The following UPF3B variants were observed in gnomAD, a reference collection of about 807,000 sequenced individuals.
UPF3B encodes UPF3B regulator of nonsense mediated mRNA decay, also known as regulator of nonsense transcripts 3B.
A neutral mutation model predicts 40.3 loss-of-function variants in UPF3B; 7 were observed. The ratio of observed to expected loss-of-function variants is 0.17; its 90% confidence interval spans 0.10 to 0.33. The LOEUF (loss-of-function observed/expected upper bound fraction) is 0.33, where lower values mean the gene tolerates loss of function less well. Ranked by LOEUF, UPF3B falls within the 10% of genes least tolerant of loss-of-function variation. The pLI, the probability that UPF3B is intolerant of heterozygous loss-of-function variation, is 1.00. For synonymous variants in UPF3B, 117 were observed against 117.3 expected (o/e 1.00, Z 0.01); for missense variants, 229 against 358.9 (o/e 0.64, Z 2.93).
chrX:119,842,582 A>T (rs3001969), intron 5 of UPF3B, among the ~76,000 whole-genome samples: 2,730 of 74,780 alleles, frequency 0.037, 89 homozygotes, highest in African/African-American at 0.15. Flanking sequence ...TCCATCTCTC[A>T]CACACACACA....
At chrX:119,840,747 G>A in intron 7 of UPF3B, 63 bp from the exon 8 acceptor site, 15 of 1,075,686 alleles carry the variant, frequency 1.4e-5, no homozygotes, top group Non-Finnish European at 1.9e-5. Flanking sequence ...AGAAAAAGCT[G>A]AAAAAAAACC....
intron 5 of UPF3B, among the ~76,000 whole-genome samples, chrX:119,814,010 C>T (rs2496196): frequency 0.013 from 1,474 of 111,983 alleles, 15 homozygotes; most frequent in African/African-American, 0.045. Context: ...TAATATCATT[C>T]ATCTGCTTTC....
intron 3 of UPF3B, among the ~76,000 whole-genome samples, chrX:119,828,152 C>T (rs2056000156): frequency 1.8e-5 from 2 of 110,884 alleles, no homozygotes; most frequent in Non-Finnish European, 3.8e-5. Flanking sequence ...CTCACAGGTT[C>T]AAGCGGTTCT....
intron 5 of UPF3B, among the ~76,000 whole-genome samples, chrX:119,809,223 C>T (rs1344856112): frequency 9.1e-6 from 1 of 110,290 alleles, no homozygotes; most frequent in Non-Finnish European, 1.9e-5. Context: ...GTGACTCACT[C>T]ATTATCAGGA....
Position 119,842,636 on chromosome X carries a change from A to C in UPF3B, c.580+555T>G, listed in dbSNP as rs377135531. ...CACACACACACACACACACAGAGAG[A>C]GAGCGAGCGAGCAAGCAAGCAAAAA... is the stretch of plus-strand genomic sequence containing the variant. On this transcript the variant is annotated intron_variant, in intron 5 of 10. Coordinates refer to ENST00000276201, the MANE Select transcript of UPF3B (RefSeq NM_080632.3). Among the ~76,000 whole-genome samples, 218 of 109,750 alleles carry C rather than the reference A, an allele frequency of 2.0e-3. 1 individual carries two copies. The highest frequency in any genetic ancestry group is 5.7e-3 in the African/African-American group (171 of 30,176).
chrX:119,829,652 TTC>T (rs1330386714), downstream of UPF3B, among the ~76,000 whole-genome samples: 108 of 111,884 alleles, frequency 9.7e-4, no homozygotes, highest in African/African-American at 3.5e-3. Context: ...TGGCTAGTCC[TTC>T]TCTGTCTTTG....
At chrX:119,835,109 T>C in intron 10 of UPF3B, 82 bp from the exon 11 acceptor site, 1 of 1,110,077 alleles carries the variant, frequency 9.0e-7, no homozygotes, top group Non-Finnish European at 1.2e-6. Context: ...TAGTTATGTA[T>C]GAATATATGC....
intron 9 of UPF3B, 104 bp downstream of exon 9, chrX:119,838,263 G>T: frequency 1.0e-6 from 1 of 981,960 alleles, no homozygotes; most frequent in Non-Finnish European, 1.4e-6. Flanking sequence ...TCATCCCCCT[G>T]CCCTGCATAA....
intron 3 of UPF3B, among the ~76,000 whole-genome samples, chrX:119,824,764 CTTT>C (rs11351287): frequency 1.4e-4 from 9 of 65,639 alleles, no homozygotes; most frequent in Middle Eastern, 8.7e-3. Context: ...CCATTTCTTT[CTTT>C]TTTTTTTTTT....
chrX:119,851,278 CGAG>C (rs1297886720), intron 3 of UPF3B, among the ~76,000 whole-genome samples: 1 of 111,639 alleles, frequency 9.0e-6, no homozygotes, highest in African/African-American at 3.3e-5. Context: ...ATGTGTCACA[CGAG>C]GAGAAAACAG....
downstream of UPF3B, among the ~76,000 whole-genome samples, chrX:119,830,828 T>C (rs1198411866): frequency 3.6e-5 from 4 of 111,169 alleles, no homozygotes; most frequent in African/African-American, 1.3e-4. Flanking sequence ...TATGAGGACA[T>C]GCTTTTTGCT....
chrX:119,848,526 G>T (rs2056262907), intron 3 of UPF3B, among the ~76,000 whole-genome samples: 1 of 109,143 alleles, frequency 9.2e-6, no homozygotes. Flanking sequence ...AGATGAAAAA[G>T]TTCCCAAGAT....
At chrX:119,823,931 T>C (rs2055952532) in intron 3 of UPF3B, among the ~76,000 whole-genome samples, 1 of 111,513 alleles carries the variant, frequency 9.0e-6, no homozygotes, top group South Asian at 3.7e-4. Flanking sequence ...GTGCTAGGAT[T>C]ACAAGCATGA....
In UPF3B at chrX:119,816,754, CTT is replaced by C. The variant is rs924175193; in HGVS notation, c.495-1449_495-1448del. ...CCTACAGTATTCGTTGTCTCTTTCTCTTGAGTATTCATCCTTGTAGAGCTTAC... is the reference window on the plus strand; with the variant it reads ...CCTACAGTATTCGTTGTCTCTTTCTCGAGTATTCATCCTTGTAGAGCTTAC... On this transcript the variant is annotated intron_variant, in intron 4 of 6. Coordinates refer to the UPF3B transcript ENST00000636792. Among the ~76,000 whole-genome samples, 16 of 111,568 alleles carry C rather than the reference CTT, an allele frequency of 1.4e-4. No homozygotes were observed. In the Admixed American group the frequency reaches 1.5e-3, roughly 11 times the overall value.
At chrX:119,842,803 A>G (rs1212733940) in intron 5 of UPF3B, among the ~76,000 whole-genome samples, 1 of 111,704 alleles carries the variant, frequency 9.0e-6, no homozygotes, top group African/African-American at 3.2e-5. Context: ...GATCCAAGCT[A>G]GAATTCCTCA....
chrX:119,825,515 A>G (rs1431038570), intron 3 of UPF3B, among the ~76,000 whole-genome samples: 5 of 111,892 alleles, frequency 4.5e-5, no homozygotes, highest in Non-Finnish European at 7.5e-5. Context: ...ATCTTTTTGC[A>G]CCAAAATAAA....
chrX:119,808,711 G>A (rs1015076540), intron 5 of UPF3B, among the ~76,000 whole-genome samples: 2 of 108,859 alleles, frequency 1.8e-5, no homozygotes, highest in Non-Finnish European at 3.8e-5. Context: ...CGTGAAAACG[G>A]CCTTGAGATG....
At chrX:119,849,006 A>T (rs1336997455) in intron 3 of UPF3B, among the ~76,000 whole-genome samples, 1 of 112,130 alleles carries the variant, frequency 8.9e-6, no homozygotes, top group East Asian at 2.8e-4. Context: ...CAAGTGACTA[A>T]TGGGAAAAAA....
chrX:119,830,594 T>C (rs1357350179), downstream of UPF3B, among the ~76,000 whole-genome samples: 2 of 110,858 alleles, frequency 1.8e-5, no homozygotes, highest in Non-Finnish European at 3.8e-5. Flanking sequence ...CATTTCTTTA[T>C]AGCAATGCAA....
Sources: allele counts gnomAD v4.1 joint callset (sites outside exome capture counted in the v4.1 genomes callset), GRCh38; gene constraint gnomAD v4.1.1; transcripts MANE v1.5; gene names NCBI Gene and HGNC (gene_info 2026-07-23, HGNC 2026-07-21).